ARAP2: variants seen among roughly 807,000 people sequenced by gnomAD.
ARAP2 encodes arf-GAP with Rho-GAP domain, ANK repeat and PH domain-containing protein 2.
Under a neutral mutation model 194.5 loss-of-function variants are expected in ARAP2, and 148 were observed. The ratio of observed to expected loss-of-function variants is 0.76; its 90% CI spans 0.67 to 0.87. ARAP2 has a LOEUF of 0.87. ARAP2 is among the 40% of genes least tolerant of loss of function. ARAP2 has a pLI of 0.00. For synonymous variants in ARAP2, 695 were observed against 683.5 expected (o/e 1.02, Z -0.26); for missense variants, 2,128 against 1,989.7 (o/e 1.07, Z -1.32).
chr4:36,096,046 T>A (rs1715076571), intron 27 of ARAP2, among the ~76,000 whole-genome samples: 1 of 151,956 alleles, frequency 6.6e-6, no homozygotes, highest in African/African-American at 2.4e-5. Context: ...TTTCTAAAAT[T>A]TATAAAATAA....
At chr4:36,126,415 T>C (rs1723914797) in intron 21 of ARAP2, among the ~76,000 whole-genome samples, 1 of 152,002 alleles carries the variant, frequency 6.6e-6, no homozygotes, top group Non-Finnish European at 1.5e-5. Context: ...TTTCAGGCCA[T>C]ATAGAAAATA....
At chr4:36,148,853 A>T (rs911135363) in intron 16 of ARAP2, among the ~76,000 whole-genome samples, 1 of 152,158 alleles carries the variant, frequency 6.6e-6, no homozygotes, top group Non-Finnish European at 1.5e-5. Flanking sequence ...AACTGTTCAA[A>T]GCAAACACTG....
intron 2 of ARAP2, among the ~76,000 whole-genome samples, chr4:36,223,718 GCTCTCTCT>G (rs34904494): frequency 6.7e-6 from 1 of 148,974 alleles, no homozygotes; most frequent in Non-Finnish European, 1.5e-5. Flanking sequence ...ACCAGAGATG[GCTCTCTCT>G]CTCTCTCTCT....
chr4:36,106,534 G>A (rs1718456913), intron 27 of ARAP2, among the ~76,000 whole-genome samples: 1 of 151,886 alleles, frequency 6.6e-6, no homozygotes. Context: ...ACAATTAAGA[G>A]CTCTGAATTA....
chr4:36,014,248 A>G (rs1269769276), intron 8 of ARAP2, among the ~76,000 whole-genome samples: 1 of 137,662 alleles, frequency 7.3e-6, no homozygotes, highest in Non-Finnish European at 1.6e-5. Context: ...AAAGAAAGAA[A>G]GAAAGAAAGA....
intron 4 of ARAP2, chr4:36,046,598 T>C (rs1169885265): frequency 1.3e-5 from 2 of 152,156 alleles, no homozygotes; most frequent in African/African-American, 4.8e-5. Flanking sequence ...AGAATCTATT[T>C]TGAAGTGCTG....
At chr4:36,056,268 C>T (rs977976803) in intron 2 of ARAP2, among the ~76,000 whole-genome samples, 6 of 152,180 alleles carry the variant, frequency 3.9e-5, no homozygotes, top group African/African-American at 1.2e-4. Flanking sequence ...CCATAGTAGG[C>T]ACTTCCCTTG....
At chr4:36,213,022 T>C (rs1174524173) in intron 4 of ARAP2, among the ~76,000 whole-genome samples, 1 of 152,056 alleles carries the variant, frequency 6.6e-6, no homozygotes, top group Admixed American at 6.6e-5. Flanking sequence ...AAACTCACTA[T>C]CCTGGATTCC....
chr4:36,184,807 A>G (rs1032938065), intron 8 of ARAP2, among the ~76,000 whole-genome samples: 9 of 152,218 alleles, frequency 5.9e-5, no homozygotes, highest in African/African-American at 2.2e-4. Context: ...GGTGGTGGAA[A>G]CCAAACCATA....
At chr4:36,161,631 G>A (rs1404705818) in intron 11 of ARAP2, 81 bp from the exon 12 acceptor site, 1 of 1,117,084 alleles carries the variant, frequency 9.0e-7, no homozygotes, top group Non-Finnish European at 1.3e-6. Context: ...AAGTGCATAT[G>A]TCTGTGTATG....
rs752216644 is a variant in ARAP2, at chr4:36,133,204, AT to A, written c.3427+21del. 9 of 1,608,328 alleles carry A rather than the reference AT, an allele frequency of 5.6e-6. No homozygotes were observed. In the Admixed American group the frequency reaches 1.5e-4, roughly 27 times the overall value. On this transcript the variant is annotated intron_variant, in intron 20 of 32. Transcript: ENST00000303965. The stretch of plus-strand genomic sequence containing the variant: ...CGATACAATCAGTTCTAAGGGTTGA[AT>A]AAAAACTCAGTGATACTTACCATAC...
In ARAP2 at chr4:36,124,984, AAC is replaced by A; in HGVS notation, c.3641-19_3641-18del. On this transcript the variant is annotated intron_variant, in intron 21 of 32. Coordinates refer to ENST00000303965, the MANE Select transcript of ARAP2 (RefSeq NM_015230.4). ...CTTGCGTATCTGAAGGGGAAAAAAAAACAATCTTGAGATCTAAACTAATTATC... is the reference window on the plus strand; with the variant it reads ...CTTGCGTATCTGAAGGGGAAAAAAAAAATCTTGAGATCTAAACTAATTATC... The A allele has an allele frequency of 4.7e-6, 7 of 1,505,022 alleles. No individual in the cohort carries two copies. Among genetic ancestry groups the A allele is most frequent in the South Asian group, 4.5e-5 (4 of 88,048 alleles). 93.2% of individuals were successfully genotyped at this position (1,505,022 alleles called of 1,614,324 possible). A position where few individuals can be genotyped will look rare whatever the true frequency, so the allele number is the denominator to read the frequency against.
intron 8 of ARAP2, among the ~76,000 whole-genome samples, chr4:36,185,986 A>T (rs1740474438): frequency 6.6e-6 from 1 of 152,052 alleles, no homozygotes; most frequent in African/African-American, 2.4e-5. Flanking sequence ...CTCAAAAAAA[A>T]AAAAGGATAA....
At chr4:36,065,135 A>C (rs1196149480), downstream of ARAP2, 1 of 287,246 alleles carries the variant, frequency 3.5e-6, no homozygotes, top group Non-Finnish European at 7.3e-6. Flanking sequence ...TGACTTCTTC[A>C]GCCTCTTCTT....
chr4:36,080,842 G>A (rs146178918), intron 30 of ARAP2, among the ~76,000 whole-genome samples: 1 of 152,274 alleles, frequency 6.6e-6, no homozygotes, highest in African/African-American at 2.4e-5. Context: ...GAAGGCTCCT[G>A]TAGTCTATTA....
At chr4:36,043,831 G>GGGAAGGGAAGGGA (rs1560311515) in intron 5 of ARAP2, among the ~76,000 whole-genome samples, 16 of 14,008 alleles carry the variant, frequency 1.1e-3, no homozygotes, top group African/African-American at 2.0e-3. Context: ...AAGGGAAGGG[G>GGGAAGGGAAGGGA]AGGGGAGGGG....
chr4:36,190,791 A>T (rs1259796689), intron 7 of ARAP2, among the ~76,000 whole-genome samples: 1 of 152,210 alleles, frequency 6.6e-6, no homozygotes, highest in Non-Finnish European at 1.5e-5. Context: ...CAAAAACACA[A>T]GGGGAACATG....
chr4:36,067,425 C>G lies in ARAP2; in HGVS notation c.*482G>C, dbSNP rs145812379. 3 of 152,772 alleles carry G rather than the reference C, an allele frequency of 2.0e-5. No homozygotes were observed. The highest frequency in any genetic ancestry group is 3.9e-4 in the East Asian group (2 of 5,190). The allele number at this position is 152,772 out of a possible 1,614,324, so 9.5% of individuals were successfully genotyped here. On this transcript the variant is annotated 3_prime_UTR_variant, in exon 33 of 33. Transcript: ENST00000303965. Reference sequence around the variant, plus strand: ...GCAGCCACTACAATAAATTCTCCCCCCTTTTTCAATTTACTTCCCTTTCTT... The same window carrying G: ...GCAGCCACTACAATAAATTCTCCCCGCTTTTTCAATTTACTTCCCTTTCTT...
intron 8 of ARAP2, among the ~76,000 whole-genome samples, chr4:36,185,272 C>CT (rs1404239833): frequency 2.6e-5 from 4 of 152,236 alleles, no homozygotes; most frequent in African/African-American, 9.6e-5. Flanking sequence ...TACTAAGAAA[C>CT]TTTTTTTATG....
Sources: gnomAD v4.1 joint callset for allele counts (sites outside exome capture counted in the v4.1 genomes callset) on GRCh38, gnomAD v4.1.1 for gene constraint, MANE v1.5 for transcripts, NCBI Gene and HGNC (gene_info 2026-07-23, HGNC 2026-07-21) for gene names.